FBLIM1: variants seen among roughly 807,000 people sequenced by gnomAD.
FBLIM1 encodes the protein filamin-binding LIM protein 1.
A neutral mutation model predicts 37.4 loss-of-function variants in FBLIM1; 29 were observed. The ratio of observed to expected loss-of-function variants is 0.77; its 90% confidence interval spans 0.58 to 1.06. The LOEUF (loss-of-function observed/expected upper bound fraction) is 1.06. Among genes scored for constraint, FBLIM1 ranks in the 50% least tolerant of loss-of-function variants. FBLIM1 has a pLI of 0.00. For synonymous variants in FBLIM1, 193 were observed against 199.0 expected, an observed-to-expected ratio of 0.97 and a Z score of 0.25; for missense variants, 449 against 505.6, an observed-to-expected ratio of 0.89 and a Z score of 1.07.
chr1:15,765,029 A>AC lies in FBLIM1; in HGVS notation c.49dup (p.Leu17ProfsTer20), dbSNP rs1376928636. On this transcript the variant is annotated frameshift_variant, in exon 3 of 9. Transcript: ENST00000375766. LOFTEE classifies it high-confidence loss of function. This position sits in a 1 kb window ranked among gnomAD's most constrained non-coding sequence, Gnocchi z 5.9. ...GAGGGTGGCATCGTCTGTCTTTATC[A>AC]CCCTGGCACCCCCGCGCCGCGATGT... The AC allele has an allele frequency of 6.2e-7, 1 of 1,613,452 alleles. No homozygotes were observed. Among genetic ancestry groups the AC allele is most frequent in the Admixed American group, 1.7e-5 (1 of 59,946 alleles).
At position 15,765,425 on chromosome 1, in the gene FBLIM1, C is replaced by T. The variant is rs1158746359; in HGVS notation, c.250+192C>T. Among the ~76,000 whole-genome samples the T allele has an allele frequency of 6.6e-6, 1 of 152,026 alleles. No individual in the cohort carries two copies. The highest frequency in any genetic ancestry group is 1.9e-4 in the East Asian group (1 of 5,186). ...AATAGAGGCTAGATGTCAGAATTTC[C>T]GGGACATTTTCATGGGTTATTGGGA... On this transcript the variant is annotated intron_variant, in intron 3 of 8. Transcript: ENST00000375766. The surrounding 1 kb of genome is among the most constrained non-coding windows in gnomAD (Gnocchi z 5.9).
intron 8 of FBLIM1, among the ~76,000 whole-genome samples, chr1:15,781,001 C>G (rs7514396): frequency 6.6e-6 from 1 of 152,068 alleles, no homozygotes; most frequent in South Asian, 2.1e-4. Flanking sequence ...TAAACCCCCC[C>G]GGTAGTCCTT....
At chr1:15,780,675 C>T (rs1039922801) in intron 8 of FBLIM1, among the ~76,000 whole-genome samples, 27 of 152,124 alleles carry the variant, frequency 1.8e-4, no homozygotes, top group East Asian at 1.3e-3. Context: ...AACTTTTATG[C>T]GGGGACCTAA....
chr1:15,759,045 CCG>C (rs1434752515), intron 1 of FBLIM1, among the ~76,000 whole-genome samples, 197 bp downstream of exon 1: 1 of 152,090 alleles, frequency 6.6e-6, no homozygotes, highest in African/African-American at 2.4e-5. Flanking sequence ...GTCTCTCTCC[CCG>C]GAGTCGGGGA....
At position 15,784,837 on chromosome 1, in the gene FBLIM1, A is replaced by C; in HGVS notation, c.*176A>C. 1.9e-6 allele frequency: 1 copy of C among 512,974 alleles called. No individual in the cohort carries two copies. The highest frequency in any genetic ancestry group is 3.5e-6 in the Non-Finnish European group (1 of 284,112). 31.8% of individuals were successfully genotyped at this position (512,974 alleles called of 1,614,324 possible). On this transcript the variant is annotated 3_prime_UTR_variant, in exon 9 of 9. Coordinates refer to ENST00000375766, the MANE Select transcript of FBLIM1 (RefSeq NM_017556.4). ...GGGGCTGAGCACCCCCAGGCCTTCC[A>C]CTCCTCTACCCTCTGGGCACCAGAA... is the stretch of plus-strand genomic sequence containing the variant.
At chr1:15,763,670 C>T (rs563686439) in intron 1 of FBLIM1, among the ~76,000 whole-genome samples, 2 of 152,022 alleles carry the variant, frequency 1.3e-5, no homozygotes, top group South Asian at 4.2e-4. Context: ...GACAGAGTCT[C>T]GCTCTGTTGC....
chr1:15,768,660 G>T, intron 5 of FBLIM1, 30 bp downstream of exon 5: 5 of 1,562,008 alleles, frequency 3.2e-6, no homozygotes, highest in Non-Finnish European at 4.3e-6. Context: ...AGGATACTGG[G>T]GTGATCTCAT....
At chr1:15,770,609 G>A (rs1448458958) in intron 6 of FBLIM1, 31 bp downstream of exon 6, 4 of 1,608,816 alleles carry the variant, frequency 2.5e-6, no homozygotes, top group Non-Finnish European at 3.4e-6. Context: ...CTGGGTGCCA[G>A]GCAGTGAGCT....
At chr1:15,768,497 A>G in intron 4 of FBLIM1, 31 bp from the exon 5 acceptor site, 1 of 1,457,374 alleles carries the variant, frequency 6.9e-7, no homozygotes, top group Non-Finnish European at 9.2e-7. Context: ...ATGGGGTCCC[A>G]CTGGATGACT....
In FBLIM1 at chr1:15,770,456, G is replaced by T. The variant is rs145772446; in HGVS notation, c.589G>T (p.Val197Leu). 1.2e-6 allele frequency: 2 copies of T among 1,613,398 alleles called. No homozygotes were observed. Among genetic ancestry groups the T allele is most frequent in the Non-Finnish European group, 1.7e-6 (2 of 1,179,666 alleles). Residue 197 changes from valine to leucine, a missense_variant, in exon 6 of 9, where the codon GTG becomes TTG. Val to Leu is a conservative substitution (Grantham distance 32). Transcript: ENST00000375766. The stretch of plus-strand genomic sequence containing the variant: ...GACCGTGTCCCCCCGAGAGCTGGCT[G>T]TGGAGGCCATGAAGAGGCAGTACCA... Reference protein sequence around the residue: ...HKTVSPRELAVEAMKRQYHAQ... With the variant: ...HKTVSPRELALEAMKRQYHAQ...
chr1:15,760,531 GAAAA>G (rs34356141), intron 1 of FBLIM1, among the ~76,000 whole-genome samples: 11 of 97,642 alleles, frequency 1.1e-4, no homozygotes, highest in African/African-American at 4.3e-4. Flanking sequence ...TTCTGTCTCA[GAAAA>G]AAAAAAAAAA....
Position 15,765,753 on chromosome 1 carries a change from C to T in FBLIM1, c.250+520C>T, listed in dbSNP as rs1167829553. ...ATCTGCCATCTGCTTAGTACTTGTC[C>T]TCTCAGAGTCATCCTCGAGCGGGTC... On this transcript the variant is annotated intron_variant, in intron 3 of 8. Transcript: ENST00000375766. This position sits in a 1 kb window ranked among gnomAD's most constrained non-coding sequence, Gnocchi z 5.9. Among the ~76,000 whole-genome samples, 1 of 152,194 alleles carries T rather than the reference C, an allele frequency of 6.6e-6. No individual in the cohort carries two copies. Among genetic ancestry groups the T allele is most frequent in the East Asian group, 1.9e-4 (1 of 5,194 alleles).
At chr1:15,763,423 G>A (rs1472980132) in intron 1 of FBLIM1, among the ~76,000 whole-genome samples, 2 of 151,410 alleles carry the variant, frequency 1.3e-5, no homozygotes, top group East Asian at 2.1e-4. Context: ...ACGAGGTCAG[G>A]AGATCAAGAC....
chr1:15,759,205 G>A (rs922568847), intron 1 of FBLIM1, among the ~76,000 whole-genome samples: 2 of 152,180 alleles, frequency 1.3e-5, no homozygotes, highest in African/African-American at 2.4e-5. Context: ...AAGCTCCGGC[G>A]GCGCCCAGCG....
chr1:15,774,166 G>T (rs2069370834), intron 6 of FBLIM1, among the ~76,000 whole-genome samples: 3 of 152,084 alleles, frequency 2.0e-5, no homozygotes, highest in African/African-American at 7.2e-5. Context: ...CAACAAAAAA[G>T]CCCTATAATG....
At chr1:15,772,985 C>G (rs2148595157) in intron 6 of FBLIM1, among the ~76,000 whole-genome samples, 1 of 151,938 alleles carries the variant, frequency 6.6e-6, no homozygotes, top group South Asian at 2.1e-4. Flanking sequence ...GGGGTTTCAC[C>G]ATGTTGGCCA....
At chr1:15,760,981 C>T (rs943838929) in intron 1 of FBLIM1, among the ~76,000 whole-genome samples, 1 of 152,176 alleles carries the variant, frequency 6.6e-6, no homozygotes, top group Non-Finnish European at 1.5e-5. Context: ...CCAGCTTAGA[C>T]CCCCTGGGGC....
In FBLIM1 at chr1:15,764,973, G is replaced by C; in HGVS notation, c.-11G>C. 6.2e-7 allele frequency: 1 copy of C among 1,609,622 alleles called. No homozygotes were observed. The highest frequency in any genetic ancestry group is 1.3e-5 in the African/African-American group (1 of 74,996). On this transcript the variant is annotated 5_prime_UTR_variant, in exon 3 of 9. Transcript: ENST00000375766. ...CCCACTCTGTCCCTAGCCACACCAG[G>C]AGCTGAAGCCATGGCCTCAAAGCCT... is the stretch of plus-strand genomic sequence containing the variant.
chr1:15,759,678 GAC>G (rs2068573966), intron 1 of FBLIM1, among the ~76,000 whole-genome samples: 1 of 152,112 alleles, frequency 6.6e-6, no homozygotes, highest in African/African-American at 2.4e-5. Flanking sequence ...CCGCCCTAGG[GAC>G]ACACTCATTC....
Sources: allele counts gnomAD v4.1 joint callset (sites outside exome capture counted in the v4.1 genomes callset), GRCh38; gene constraint gnomAD v4.1.1; non-coding constraint Gnocchi (gnomAD v3.1); transcripts MANE v1.5; gene names NCBI Gene and HGNC (gene_info 2026-07-23, HGNC 2026-07-21).